Variants in BIRC6 observed in about 807,000 individuals in gnomAD.
The protein encoded by BIRC6 is dual E2 ubiquitin-conjugating enzyme/E3 ubiquitin-protein ligase BIRC6.
A neutral mutation model predicts 503.3 loss-of-function variants in BIRC6; 98 were observed. That is an observed-to-expected ratio of 0.19 (90% confidence interval 0.17 to 0.23). The LOEUF is 0.23. Among genes scored for constraint, BIRC6 ranks in the 10% least tolerant of loss-of-function variants. BIRC6 has a pLI of 1.00. For missense variants in BIRC6, 5,360 were observed against 5,806.0 expected, an observed-to-expected ratio of 0.92 and a Z score of 2.50; for synonymous variants, 2,240 against 2,078.7, an observed-to-expected ratio of 1.08 and a Z score of -2.11.
intron 44 of BIRC6, among the ~76,000 whole-genome samples, chr2:32,492,844 T>C (rs1243246479): frequency 1.3e-5 from 2 of 152,016 alleles, no homozygotes; most frequent in African/African-American, 4.8e-5. Flanking sequence ...TTTGGAGGAT[T>C]ATATTGTATT....
intron 6 of BIRC6, among the ~76,000 whole-genome samples, chr2:32,396,147 A>G (rs2039853059): frequency 6.6e-6 from 1 of 152,166 alleles, no homozygotes; most frequent in Non-Finnish European, 1.5e-5. Flanking sequence ...TATACTAGGT[A>G]CCATTCTGAA....
chr2:32,456,209 C>A (rs1460416055), intron 23 of BIRC6, among the ~76,000 whole-genome samples: 2 of 152,084 alleles, frequency 1.3e-5, no homozygotes, highest in Admixed American at 6.5e-5. Context: ...CTTTGAATAA[C>A]CACTTAATGA....
At position 32,461,068 on chromosome 2, in the gene BIRC6, T is replaced by TTCTCTTCTCTTCTCTTCTCC. The variant is rs2047890874; in HGVS notation, c.4754-2122_4754-2121insTTCTCTTCTCTTCTCCTCTC. Among the ~76,000 whole-genome samples, 18 of 26,832 alleles carry TTCTCTTCTCTTCTCTTCTCC rather than the reference T, an allele frequency of 6.7e-4. 1 individual carries two copies. Among genetic ancestry groups the TTCTCTTCTCTTCTCTTCTCC allele is most frequent in the South Asian group, 3.1e-3 (2 of 654 alleles). 17.6% of individuals were successfully genotyped at this position (26,832 alleles called of 152,430 possible). A position where few individuals can be genotyped will look rare whatever the true frequency, so the allele number is the denominator to read the frequency against. ...TTCTCTTCTCTTCTCTTCTCTTCTG[T>TTCTCTTCTCTTCTCTTCTCC]TCTCCTCTCCTCTCCTCTCCTCTCC... On this transcript the variant is annotated intron_variant, in intron 23 of 73. Coordinates refer to ENST00000421745, the MANE Select transcript of BIRC6 (RefSeq NM_016252.4).
In BIRC6 at chr2:32,471,178, G is replaced by C; in HGVS notation, c.6592+54G>C. Reference sequence around the variant, plus strand: ...TATCAGAAGTTTATAATAATATGTTGGTGGGGATTTTGAGTGACTTCGCAG... The same window carrying C: ...TATCAGAAGTTTATAATAATATGTTCGTGGGGATTTTGAGTGACTTCGCAG... On this transcript the variant is annotated intron_variant, in intron 32 of 73. Transcript: ENST00000421745. The C allele has an allele frequency of 5.8e-6, 9 of 1,540,418 alleles. No individual in the cohort carries two copies. In the South Asian group the frequency reaches 1.1e-4, roughly 19 times the overall value.
intron 10 of BIRC6, among the ~76,000 whole-genome samples, chr2:32,422,934 GCTCT>G (rs959111807): frequency 1.3e-5 from 2 of 151,974 alleles, no homozygotes; most frequent in Admixed American, 1.3e-4. Flanking sequence ...TATGTAAGGG[GCTCT>G]CTATTTTTTT....
chr2:32,503,674 G>T (rs949739713), intron 49 of BIRC6, among the ~76,000 whole-genome samples: 1 of 151,752 alleles, frequency 6.6e-6, no homozygotes, highest in African/African-American at 2.4e-5. Context: ...CACCTGCCTC[G>T]GCCTCCCAAA....
chr2:32,418,165 G>T (rs2042580033), intron 10 of BIRC6, among the ~76,000 whole-genome samples: 1 of 152,154 alleles, frequency 6.6e-6, no homozygotes, highest in African/African-American at 2.4e-5. Flanking sequence ...TAGAAAATGA[G>T]CAGTGTAGTC....
chr2:32,440,662 CTT>C (rs1048797726), intron 16 of BIRC6, among the ~76,000 whole-genome samples: 1 of 151,930 alleles, frequency 6.6e-6, no homozygotes, highest in Non-Finnish European at 1.5e-5. Context: ...TGTTACCTCC[CTT>C]TTTTAAATAC....
chr2:32,415,297 A>G lies in BIRC6; in HGVS notation c.2006A>G (p.Glu669Gly). 1 of 1,614,054 alleles carries G rather than the reference A, an allele frequency of 6.2e-7. No individual in the cohort carries two copies. ...DDGFTVPQII[E>G]MELDSQEQLL... The stretch of plus-strand genomic sequence containing the variant: ...GGTTTTACTGTTCCACAGATTATTG[A>G]AATGGAGCTGGATAGTCAGGAGCAG... Residue 669 changes from glutamate to glycine, a missense_variant, in exon 10 of 74, where the codon GAA becomes GGA. Coordinates refer to ENST00000421745, the MANE Select transcript of BIRC6 (RefSeq NM_016252.4).
At chr2:32,364,774 T>C (rs2034644813) in intron 1 of BIRC6, among the ~76,000 whole-genome samples, 1 of 151,484 alleles carries the variant, frequency 6.6e-6, no homozygotes, top group Non-Finnish European at 1.5e-5. Context: ...TTTTTTTTTT[T>C]CTTTCCTGAT....
chr2:32,472,869 G>T, intron 32 of BIRC6: 1 of 311,008 alleles, frequency 3.2e-6, no homozygotes, highest in Non-Finnish European at 5.9e-6. Flanking sequence ...TTATCTAAAT[G>T]AAAGATTGGA....
intron 8 of BIRC6, among the ~76,000 whole-genome samples, chr2:32,404,954 G>A (rs182380538): frequency 2.6e-5 from 4 of 152,272 alleles, no homozygotes; most frequent in African/African-American, 9.6e-5. Context: ...GAGTCACTGT[G>A]CCTGTTGCCT....
intron 40 of BIRC6, 31 bp from the exon 41 acceptor site, chr2:32,487,616 G>A (rs1034908997): frequency 1.3e-6 from 2 of 1,592,946 alleles, no homozygotes; most frequent in African/African-American, 1.3e-5. Context: ...GATACTTTAT[G>A]TATAAAATTA....
intron 42 of BIRC6, among the ~76,000 whole-genome samples, chr2:32,488,995 T>G (rs929615889): frequency 6.6e-6 from 1 of 152,116 alleles, no homozygotes; most frequent in Non-Finnish European, 1.5e-5. Flanking sequence ...TCTTGAAGTT[T>G]TGTCTGATCT....
intron 8 of BIRC6, among the ~76,000 whole-genome samples, chr2:32,404,593 T>C (rs2149793951): frequency 6.6e-6 from 1 of 152,248 alleles, no homozygotes; most frequent in Non-Finnish European, 1.5e-5. Context: ...GGATTATAGG[T>C]GTGAGCCACT....
chr2:32,477,386 C>T lies in BIRC6; in HGVS notation c.6871C>T (p.Arg2291Cys), dbSNP rs771264582. The T allele has an allele frequency of 1.2e-6, 2 of 1,613,696 alleles. No homozygotes were observed. The change falls in exon 35 of 74, where the codon CGT (arginine) becomes TGT (cysteine). Residue 2291 changes from arginine to cysteine, a missense_variant. Physicochemically the swap from Arg to Cys is radical, Grantham distance 180. Transcript: ENST00000421745. Reference sequence around the variant, plus strand: ...TGTGCAGCACTTTAAGGATTTAATTCGTTTACGTCGGACAGCAGAATGGTC... The same window carrying T: ...TGTGCAGCACTTTAAGGATTTAATTTGTTTACGTCGGACAGCAGAATGGTC... ...ATSKHFKDLI[R>C]LRRTAEWSRS...
At position 32,543,466 on chromosome 2, in the gene BIRC6, G is replaced by T. The variant is rs912860964; in HGVS notation, c.12517G>T (p.Val4173Leu). 3.7e-6 allele frequency: 6 copies of T among 1,613,940 alleles called. No individual in the cohort carries two copies. The highest frequency in any genetic ancestry group is 5.1e-6 in the Non-Finnish European group (6 of 1,179,900). The change falls in exon 62 of 74, where the codon GTG (valine) becomes TTG (leucine). Residue 4173 changes from valine to leucine, a missense_variant. Val to Leu is a conservative substitution (Grantham distance 32). Around this residue, in one of 16 missense-constraint regions of BIRC6, gnomAD observed 477 missense variants for 574.4 expected, o/e 0.83. Coordinates refer to ENST00000421745, the MANE Select transcript of BIRC6 (RefSeq NM_016252.4). Reference sequence around the variant, plus strand: ...TCTTCGTCTTCCGGGCTATGCGGAAGTGCTACTGAAAGAGAGAAAACATGC... The same window carrying T: ...TCTTCGTCTTCCGGGCTATGCGGAATTGCTACTGAAAGAGAGAAAACATGC... ...LFLRLPGYAE[V>L]LLKERKHAQC... is the part of the protein sequence containing the mutation.
chr2:32,411,692 G>T (rs1380903364), intron 9 of BIRC6, among the ~76,000 whole-genome samples: 7 of 151,832 alleles, frequency 4.6e-5, no homozygotes, highest in Non-Finnish European at 8.8e-5. Context: ...TGGAGAGGCT[G>T]TTCTCAAACT....
chr2:32,538,262 G>C (rs1167920533), intron 61 of BIRC6, among the ~76,000 whole-genome samples: 3 of 152,116 alleles, frequency 2.0e-5, no homozygotes, highest in Non-Finnish European at 1.5e-5. Flanking sequence ...CACATCCATA[G>C]CTTGCTCCAG....
Sources: allele counts gnomAD v4.1 joint callset (sites outside exome capture counted in the v4.1 genomes callset), GRCh38; gene constraint gnomAD v4.1.1; regional missense constraint gnomAD v4.1.1; transcripts MANE v1.5; gene names NCBI Gene and HGNC (gene_info 2026-07-23, HGNC 2026-07-21).